Variants in GSE1 observed in about 807,000 individuals in gnomAD.
The protein encoded by GSE1 is Gse1 coiled-coil protein.
A neutral mutation model predicts 112.6 loss-of-function variants in GSE1; 32 were observed. The observed-to-expected ratio is 0.28, with a 90% CI of 0.21 to 0.38. The LOEUF is 0.38. Ranked by LOEUF, GSE1 falls within the 10% of genes least tolerant of loss-of-function variation. GSE1 has a pLI of 1.00. For missense variants in GSE1, 2,348 were observed against 1,699.2 expected (o/e 1.38, Z -6.71); for synonymous variants, 1,115 against 735.6 (o/e 1.52, Z -8.35).
At chr16:85,634,243 C>A (rs759430740) in intron 2 of GSE1, 111 bp downstream of exon 2, 2 of 748,844 alleles carry the variant, frequency 2.7e-6, no homozygotes, top group South Asian at 2.1e-5. Context: ...TTTCCCACGC[C>A]GTGTGCTCTG....
Position 85,388,767 on chromosome 16 carries a change from G to A in GSE1, c.2464+31124G>A, listed in dbSNP as rs1391253375. ...GGAAGGAAAGATGGAAAAAGGGCAGGCAACATCTGGGTTTCTTTCCTTCCC... is the reference window on the plus strand; with the variant it reads ...GGAAGGAAAGATGGAAAAAGGGCAGACAACATCTGGGTTTCTTTCCTTCCC... On this transcript the variant is annotated intron_variant, in intron 2 of 2. Coordinates refer to the GSE1 transcript ENST00000637419. Among the ~76,000 whole-genome samples, 6 of 152,286 alleles carry A rather than the reference G, an allele frequency of 3.9e-5. No homozygotes were observed. In the East Asian group the frequency reaches 9.6e-4, roughly 24 times the overall value.
rs1022785718 is a variant in GSE1 at position 85,672,148 on chromosome 16, G to A, written c.3520-257G>A. On this transcript the variant is annotated intron_variant, in intron 15 of 15. Transcript: ENST00000253458. Reference sequence around the variant, plus strand: ...CGAGTAGCTAGGATTACAGGTATACGACACCATGCCTGGCTAATTTTTTTG... The same window carrying A: ...CGAGTAGCTAGGATTACAGGTATACAACACCATGCCTGGCTAATTTTTTTG... 4.2e-5 allele frequency: 19 copies of A among 457,116 alleles called. No individual in the cohort carries two copies. In the East Asian group the frequency reaches 4.3e-4, roughly 10 times the overall value. The allele number at this position is 457,116 out of a possible 1,614,324, so 28.3% of individuals were successfully genotyped here.
chr16:85,613,341 C>G lies in GSE1; in HGVS notation c.-51C>G, dbSNP rs368496384. On this transcript the variant is annotated 5_prime_UTR_variant, in exon 1 of 16. Coordinates refer to ENST00000253458, the MANE Select transcript of GSE1 (RefSeq NM_014615.5). ...ATAAGCAGTTTAGACAAACACTGGGCGACGGTGGCTCCAGCATGTATCAGC... is the reference window on the plus strand; with the variant it reads ...ATAAGCAGTTTAGACAAACACTGGGGGACGGTGGCTCCAGCATGTATCAGC... The G allele has an allele frequency of 2.6e-6, 4 of 1,561,076 alleles. No homozygotes were observed. The East Asian group carries it at 9.6e-5, about 38-fold the overall frequency.
chr16:85,485,193 C>T (rs1249679917), intron 2 of GSE1, among the ~76,000 whole-genome samples: 2 of 152,272 alleles, frequency 1.3e-5, no homozygotes, highest in African/African-American at 4.8e-5. Flanking sequence ...GAGCGACAGC[C>T]TGTGCCCGGA....
intron 2 of GSE1, among the ~76,000 whole-genome samples, chr16:85,453,252 C>T (rs1315010445): frequency 6.6e-6 from 1 of 152,144 alleles, no homozygotes; most frequent in Non-Finnish European, 1.5e-5. Flanking sequence ...GGTAAAGTCA[C>T]ACGGTGGCTC....
At chr16:85,318,076 C>T (rs894469098) in intron 1 of GSE1, among the ~76,000 whole-genome samples, 9 of 152,188 alleles carry the variant, frequency 5.9e-5, no homozygotes, top group African/African-American at 2.2e-4. Context: ...GAGGCCGTCC[C>T]ATGGTGGTGG....
rs150347751 is a variant in GSE1 at position 85,176,604 on chromosome 16, C to T, written c.2283+4797C>T. On this transcript the variant is annotated intron_variant, in intron 1 of 2. Transcript: ENST00000637419. ...TGCAAGCCAGTTGGCGGGCGGGCCG[C>T]GCTTCCCGCTTCCAGGACTCTGTCC... Among the ~76,000 whole-genome samples, 423 of 152,388 alleles carry T rather than the reference C, an allele frequency of 2.8e-3. 1 individual carries two copies. The highest frequency in any genetic ancestry group is 9.2e-3 in the African/African-American group (381 of 41,598).
At chr16:85,275,479 C>T (rs149040518) in intron 1 of GSE1, among the ~76,000 whole-genome samples, 83 of 152,344 alleles carry the variant, frequency 5.4e-4, no homozygotes, top group African/African-American at 1.9e-3. Context: ...AGAAGTACCT[C>T]GGTGCGAGTC....
intron 2 of GSE1, among the ~76,000 whole-genome samples, chr16:85,361,435 A>G (rs2151580139): frequency 6.6e-6 from 1 of 151,600 alleles, no homozygotes; most frequent in South Asian, 2.1e-4. Context: ...CCAAATGCCC[A>G]TCCCCACCAC....
intron 1 of GSE1, among the ~76,000 whole-genome samples, chr16:85,254,064 A>G (rs1906804442): frequency 6.6e-6 from 1 of 152,168 alleles, no homozygotes. Context: ...CGTGTGGGGC[A>G]TAGCCTCAGC....
At chr16:85,349,743 C>T (rs1279678582) in intron 1 of GSE1, among the ~76,000 whole-genome samples, 1 of 152,198 alleles carries the variant, frequency 6.6e-6, no homozygotes, top group Non-Finnish European at 1.5e-5. Context: ...GCTGGCGTCT[C>T]TTCCCCCTCC....
At chr16:85,663,118 C>G (rs763694888) in intron 10 of GSE1, 25 bp downstream of exon 10, 6 of 1,483,674 alleles carry the variant, frequency 4.0e-6, no homozygotes, top group Admixed American at 3.3e-5. Flanking sequence ...TCCCCACGGA[C>G]ATGCTCTGGG....
At chr16:85,548,681 G>A (rs1276029694) in intron 2 of GSE1, among the ~76,000 whole-genome samples, 1 of 152,196 alleles carries the variant, frequency 6.6e-6, no homozygotes, top group South Asian at 2.1e-4. Flanking sequence ...TGTTTTGGCT[G>A]TGGTGAACAG....
intron 1 of GSE1, among the ~76,000 whole-genome samples, chr16:85,626,042 C>T (rs966657917): frequency 6.6e-6 from 1 of 152,270 alleles, no homozygotes; most frequent in South Asian, 2.1e-4. Flanking sequence ...TTTGCCTTAG[C>T]CATGAGTGAT....
At chr16:85,435,734 C>T (rs1363938288) in intron 2 of GSE1, among the ~76,000 whole-genome samples, 2 of 152,230 alleles carry the variant, frequency 1.3e-5, no homozygotes, top group African/African-American at 4.8e-5. Flanking sequence ...CTGACGTCTC[C>T]ACGCAGCTCT....
At chr16:85,644,295 C>T (rs561257358) in intron 2 of GSE1, among the ~76,000 whole-genome samples, 50 of 150,644 alleles carry the variant, frequency 3.3e-4, no homozygotes, top group African/African-American at 1.2e-3. Flanking sequence ...GCTGTGATTG[C>T]ACCACTGCAC....
chr16:85,199,841 A>G (rs540511635), intron 1 of GSE1, among the ~76,000 whole-genome samples: 13 of 152,214 alleles, frequency 8.5e-5, no homozygotes, highest in Middle Eastern at 3.4e-3. Context: ...GGTGGCTTCC[A>G]GAGGCTGGTG....
chr16:85,606,242 T>A (rs1411748269), intron 1 of GSE1, among the ~76,000 whole-genome samples: 1 of 152,150 alleles, frequency 6.6e-6, no homozygotes, highest in African/African-American at 2.4e-5. Flanking sequence ...ATGTTGACAG[T>A]AGGAAAATTT....
intron 1 of GSE1, among the ~76,000 whole-genome samples, chr16:85,230,912 AATGG>A (rs756732343): frequency 1.3e-5 from 2 of 148,332 alleles, no homozygotes; most frequent in South Asian, 2.2e-4. Flanking sequence ...GATAGAATGG[AATGG>A]ATGGATGGAT....
Sources: gnomAD v4.1 joint callset for allele counts (sites outside exome capture counted in the v4.1 genomes callset) on GRCh38, gnomAD v4.1.1 for gene constraint, MANE v1.5 for transcripts, NCBI Gene and HGNC (gene_info 2026-07-23, HGNC 2026-07-21) for gene names.